Variants in PDE7B observed in about 807,000 individuals in gnomAD.
PDE7B encodes phosphodiesterase 7B, also known as 3',5'-cyclic-AMP phosphodiesterase 7B.
In PDE7B, 29 loss-of-function variants were observed where a neutral mutation model predicts 56.2. That is an observed-to-expected ratio of 0.52 (90% confidence interval 0.38 to 0.70). The LOEUF (loss-of-function observed/expected upper bound fraction) is 0.70, where lower values mean the gene tolerates loss of function less well. Ranked by LOEUF, PDE7B falls within the 30% of genes least tolerant of loss-of-function variation. The probability of loss-of-function intolerance (pLI) is 0.00; values close to 1 mark genes in which losing one functional copy is unlikely to be tolerated. For synonymous variants in PDE7B, 197 were observed against 196.9 expected, an observed-to-expected ratio of 1.00 and a Z score of 0.00; for missense variants, 490 against 565.0, an observed-to-expected ratio of 0.87 and a Z score of 1.35.
chr6:136,145,437 G>C (rs1344222977), intron 3 of PDE7B, among the ~76,000 whole-genome samples: 1 of 151,966 alleles, frequency 6.6e-6, no homozygotes, highest in African/African-American at 2.4e-5. Flanking sequence ...CCCTAGAATT[G>C]GCCATTTCAC....
rs1418780555 is a variant in PDE7B, at chr6:135,935,146, TAAATAA to T, written c.22-12316_22-12311del. Among the ~76,000 whole-genome samples, 13 of 90,810 alleles carry T rather than the reference TAAATAA, an allele frequency of 1.4e-4. 1 individual carries two copies. The highest frequency in any genetic ancestry group is 6.0e-4 in the African/African-American group (13 of 21,724). 59.6% of individuals were successfully genotyped at this position (90,810 alleles called of 152,430 possible). On this transcript the variant is annotated intron_variant, in intron 1 of 12. Coordinates refer to ENST00000308191, the MANE Select transcript of PDE7B (RefSeq NM_018945.4). ...GAGAGATGAAGTATATATTTATATA[TAAATAA>T]ATATATGAGACAGAGAATTTTATAT... is the stretch of plus-strand genomic sequence containing the variant.
chr6:135,994,790 C>G (rs902847749), intron 2 of PDE7B, among the ~76,000 whole-genome samples: 1 of 152,066 alleles, frequency 6.6e-6, no homozygotes, highest in Admixed American at 6.5e-5. Flanking sequence ...TTAAACAATT[C>G]GAGAATGCTA....
At chr6:135,955,599 AGAG>A in intron 2 of PDE7B, among the ~76,000 whole-genome samples, 1 of 152,322 alleles carries the variant, frequency 6.6e-6, no homozygotes, top group South Asian at 2.1e-4. Context: ...ATGTTTAAGC[AGAG>A]GAGCTACAAG....
At chr6:135,933,438 A>C (rs1390053140) in intron 1 of PDE7B, among the ~76,000 whole-genome samples, 2 of 152,220 alleles carry the variant, frequency 1.3e-5, no homozygotes, top group Non-Finnish European at 2.9e-5. Flanking sequence ...TGAATTAAAG[A>C]GCATTTACTG....
intron 1 of PDE7B, among the ~76,000 whole-genome samples, chr6:135,875,819 A>G (rs1775480999): frequency 6.6e-6 from 1 of 152,194 alleles, no homozygotes. Flanking sequence ...CACTTTGAGG[A>G]CAATATTCAC....
intron 9 of PDE7B, among the ~76,000 whole-genome samples, chr6:136,176,394 A>C (rs888372156): frequency 1.3e-5 from 2 of 152,138 alleles, no homozygotes; most frequent in Non-Finnish European, 2.9e-5. Flanking sequence ...GTGACCATAG[A>C]GATCATGCTT....
intron 9 of PDE7B, among the ~76,000 whole-genome samples, chr6:136,175,679 T>C (rs1778965521): frequency 6.6e-6 from 1 of 152,194 alleles, no homozygotes; most frequent in African/African-American, 2.4e-5. Flanking sequence ...TAAATTAAAA[T>C]GATTTTGTCA....
In PDE7B at chr6:136,052,659, C is replaced by T. The variant is rs188493507; in HGVS notation, c.83-56072C>T. Among the ~76,000 whole-genome samples the T allele has an allele frequency of 2.7e-5, 4 of 150,324 alleles. No individual in the cohort carries two copies. The East Asian group carries it at 7.8e-4, about 29-fold the overall frequency. On this transcript the variant is annotated intron_variant, in intron 2 of 12. Transcript: ENST00000308191. ...GCATGCCGAACACATGCTGCTAATCCCATCATGGGCATACCTGCCATTATA... is the reference window on the plus strand; with the variant it reads ...GCATGCCGAACACATGCTGCTAATCTCATCATGGGCATACCTGCCATTATA...
intron 3 of PDE7B, among the ~76,000 whole-genome samples, chr6:136,113,714 AG>A (rs942476278): frequency 1.3e-5 from 2 of 152,166 alleles, no homozygotes; most frequent in Non-Finnish European, 1.5e-5. Flanking sequence ...TTCTGTTTGT[AG>A]GGGGGAAACA....
chr6:135,879,692 G>A (rs1775569134), intron 1 of PDE7B, among the ~76,000 whole-genome samples: 2 of 152,080 alleles, frequency 1.3e-5, no homozygotes, highest in African/African-American at 4.8e-5. Flanking sequence ...AGTTGGAGAG[G>A]CAAACTATAT....
intron 2 of PDE7B, among the ~76,000 whole-genome samples, chr6:136,049,630 G>A (rs535298887): frequency 1.5e-4 from 23 of 152,154 alleles, no homozygotes; most frequent in Non-Finnish European, 3.1e-4. Context: ...TTACAGCTAT[G>A]ACTTTAGGAT....
chr6:136,180,425 C>T (rs1779044218), intron 10 of PDE7B, among the ~76,000 whole-genome samples: 1 of 152,160 alleles, frequency 6.6e-6, no homozygotes, highest in Non-Finnish European at 1.5e-5. Flanking sequence ...ACCTCTACTT[C>T]AACATGTACT....
chr6:136,070,670 C>T (rs182310040), intron 2 of PDE7B, among the ~76,000 whole-genome samples: 16 of 152,116 alleles, frequency 1.1e-4, no homozygotes, highest in Admixed American at 4.6e-4. Context: ...CGTTAAGATA[C>T]TAGAAAACAC....
chr6:136,043,710 G>C (rs542538802), intron 2 of PDE7B: 1 of 150,970 alleles, frequency 6.6e-6, no homozygotes, highest in Admixed American at 6.6e-5. Context: ...TCTTTTCTCT[G>C]TTCAGTTGCA....
intron 2 of PDE7B, among the ~76,000 whole-genome samples, chr6:136,014,223 A>G (rs973723310): frequency 6.6e-6 from 1 of 152,272 alleles, no homozygotes; most frequent in South Asian, 2.1e-4. Flanking sequence ...GAGGAAAGCT[A>G]TATCAATGAA....
In PDE7B at chr6:136,151,263, C is replaced by CT. The variant is rs755063594; in HGVS notation, c.478+15dup. The CT allele has an allele frequency of 2.3e-5, 32 of 1,399,496 alleles. No homozygotes were observed. Among genetic ancestry groups the CT allele is most frequent in the South Asian group, 3.5e-5 (3 of 86,664 alleles). The allele number at this position is 1,399,496 out of a possible 1,614,324, so 86.7% of individuals were successfully genotyped here. The stretch of plus-strand genomic sequence containing the variant: ...CCTTACACCGATTTTTAGGTAAGTC[C>CT]TTTTTTTCACATTTCTAGCCCCATT... On this transcript the variant is annotated intron_variant, in intron 6 of 12. Transcript: ENST00000308191.
At chr6:136,022,576 C>T (rs554302712) in intron 2 of PDE7B, among the ~76,000 whole-genome samples, 20 of 152,318 alleles carry the variant, frequency 1.3e-4, no homozygotes, top group African/African-American at 4.3e-4. Context: ...ACCTTTTGCA[C>T]CCAGCAGTTC....
At chr6:136,148,877 T>C (rs1351283827) in intron 4 of PDE7B, among the ~76,000 whole-genome samples, 1 of 152,212 alleles carries the variant, frequency 6.6e-6, no homozygotes, top group African/African-American at 2.4e-5. Flanking sequence ...TAATATCCCT[T>C]CATTTTTCTG....
chr6:136,087,433 GA>G (rs1306103571), intron 2 of PDE7B, among the ~76,000 whole-genome samples: 2 of 150,642 alleles, frequency 1.3e-5, no homozygotes, highest in Non-Finnish European at 3.0e-5. Context: ...AGCAAAGAAA[GA>G]AAAAAAAAGT....
Sources: gnomAD v4.1 joint callset for allele counts (sites outside exome capture counted in the v4.1 genomes callset) on GRCh38, gnomAD v4.1.1 for gene constraint, MANE v1.5 for transcripts, NCBI Gene and HGNC (gene_info 2026-07-23, HGNC 2026-07-21) for gene names.